The following PLA2R1 variants were observed in gnomAD, a reference collection of about 807,000 sequenced individuals.
The protein encoded by PLA2R1 is secretory phospholipase A2 receptor.
In PLA2R1, 158 loss-of-function variants were observed where a neutral mutation model predicts 195.9. The ratio of observed to expected loss-of-function variants is 0.81; its 90% CI spans 0.71 to 0.92. The LOEUF is 0.92. Ranked by LOEUF, PLA2R1 falls within the 40% of genes least tolerant of loss-of-function variation. The pLI is 0.00. For synonymous variants in PLA2R1, 586 were observed against 598.2 expected, an observed-to-expected ratio of 0.98 and a Z score of 0.30; for missense variants, 1,626 against 1,764.6, an observed-to-expected ratio of 0.92 and a Z score of 1.41.
rs757413252 is a variant in PLA2R1, at chr2:159,943,803, CT to C, written c.4144+1102del. On this transcript the variant is annotated intron_variant, in intron 28 of 29. Transcript: ENST00000283243. ...ATTTATCAGGCTTAGCCATGTTTTT[CT>C]TTTTTTTTTTTTTTCTCTCACACAG... Among the ~76,000 whole-genome samples the C allele has an allele frequency of 8.7e-3, 1,223 of 140,002 alleles. 8 individuals are homozygous for C. The highest frequency in any genetic ancestry group is 0.025 in the African/African-American group (952 of 38,416). The allele number at this position is 140,002 out of a possible 152,430, so 91.8% of individuals were successfully genotyped here.
At chr2:159,986,101 T>C (rs562516560) in intron 12 of PLA2R1, among the ~76,000 whole-genome samples, 4 of 152,134 alleles carry the variant, frequency 2.6e-5, no homozygotes, top group Non-Finnish European at 4.4e-5. Context: ...TGGCTCACCA[T>C]GGATCCTAGA....
intron 24 of PLA2R1, 36 bp from the exon 25 acceptor site, chr2:159,949,812 C>T (rs373575167): frequency 2.5e-6 from 4 of 1,573,644 alleles, no homozygotes; most frequent in South Asian, 2.2e-5. Flanking sequence ...TTCCTTGCCA[C>T]GACGGCTGGC....
chr2:160,057,321 C>T (rs1695614762), intron 1 of PLA2R1, among the ~76,000 whole-genome samples: 1 of 152,080 alleles, frequency 6.6e-6, no homozygotes, highest in Non-Finnish European at 1.5e-5. Context: ...GCCTGGCTGC[C>T]CTGAAGAACC....
In PLA2R1 at chr2:160,016,664, A is replaced by T; in HGVS notation, c.1501T>A (p.Cys501Ser). The change falls in exon 9 of 30, where the codon TGT (cysteine) becomes AGT (serine). Residue 501 changes from cysteine to serine, a missense_variant. Coordinates refer to ENST00000283243, the MANE Select transcript of PLA2R1 (RefSeq NM_007366.5). ...KNCEERLFYI[C>S]KKAGHVLSDA... ...GAGAGGACATGGCCTGCTTTTTTACAAATGTAAAAAAGTCTTTCTTCACAA... is the reference window on the plus strand; with the variant it reads ...GAGAGGACATGGCCTGCTTTTTTACTAATGTAAAAAAGTCTTTCTTCACAA... 1 of 1,610,266 alleles carries T rather than the reference A, an allele frequency of 6.2e-7. No individual in the cohort carries two copies. Among genetic ancestry groups the T allele is most frequent in the Non-Finnish European group, 8.5e-7 (1 of 1,176,480 alleles).
chr2:159,946,552 T>C, intron 27 of PLA2R1: 1 of 1,147,090 alleles, frequency 8.7e-7, no homozygotes, highest in Non-Finnish European at 1.1e-6. Flanking sequence ...CCAAGCATCT[T>C]CCTGCTAAGG....
At chr2:159,974,147 C>G (rs905532639) in intron 17 of PLA2R1, among the ~76,000 whole-genome samples, 1 of 152,160 alleles carries the variant, frequency 6.6e-6, no homozygotes, top group Non-Finnish European at 1.5e-5. Flanking sequence ...ACGAAGCTGG[C>G]AGCCATGTTT....
chr2:160,018,204 C>T (rs1406242964), intron 8 of PLA2R1, among the ~76,000 whole-genome samples: 1 of 151,838 alleles, frequency 6.6e-6, no homozygotes, highest in East Asian at 1.9e-4. Flanking sequence ...TACCTATCAT[C>T]AATCTCTTAA....
chr2:160,024,469 T>C (rs1248067608), intron 6 of PLA2R1, among the ~76,000 whole-genome samples: 1 of 152,178 alleles, frequency 6.6e-6, no homozygotes. Flanking sequence ...GTGTGTGTGC[T>C]GAAGTGGCAC....
chr2:160,049,885 CACTT>C (rs1384678367), intron 1 of PLA2R1, among the ~76,000 whole-genome samples: 1 of 152,010 alleles, frequency 6.6e-6, no homozygotes, highest in African/African-American at 2.4e-5. Flanking sequence ...CAAGTGATAA[CACTT>C]ACAAGTGGGA....
At chr2:159,956,281 G>C (rs142729822) in intron 21 of PLA2R1, among the ~76,000 whole-genome samples, 3 of 152,240 alleles carry the variant, frequency 2.0e-5, no homozygotes, top group African/African-American at 7.2e-5. Flanking sequence ...CACTGCTACT[G>C]GTGAGAGACA....
chr2:159,941,746 C>T lies in PLA2R1; in HGVS notation c.*32G>A, dbSNP rs780565639. The stretch of plus-strand genomic sequence containing the variant: ...CTCCTGTTTAGTCTTCTTTACTTAC[C>T]CTGGTGTCTGTGGCATTCTCTGACC... On this transcript the variant is annotated 3_prime_UTR_variant, in exon 30 of 30. Transcript: ENST00000283243. The T allele has an allele frequency of 1.7e-6, 2 of 1,191,644 alleles. No homozygotes were observed. Among genetic ancestry groups the T allele is most frequent in the South Asian group, 2.5e-5 (2 of 80,134 alleles). The allele number at this position is 1,191,644 out of a possible 1,614,324, so 73.8% of individuals were successfully genotyped here.
rs145983336 is a variant in PLA2R1, at chr2:159,941,337, T to C, written c.*441A>G. 0.028 allele frequency: 4,287 copies of C among 152,802 alleles called. 114 individuals are homozygous for C. Among genetic ancestry groups the C allele is most frequent in the Non-Finnish European group, 0.042 (2,889 of 68,430 alleles). 9.5% of individuals were successfully genotyped at this position (152,802 alleles called of 1,614,324 possible). A position where few individuals can be genotyped will look rare whatever the true frequency, so the allele number is the denominator to read the frequency against. ...CCTCTCAGAAGCCCTTTCCTTTTCC[T>C]CTCATATACAAGATTAATTTTTTTT... On this transcript the variant is annotated 3_prime_UTR_variant, in exon 30 of 30. Transcript: ENST00000283243.
In PLA2R1 at chr2:160,028,211, C is replaced by G. The variant is rs142160646; in HGVS notation, c.1099+7G>C. ...ACCTAAGAACAACTTAAAATAAAAA[C>G]GCTTACCAACTATTTCATGATCAAT... On this transcript the variant is annotated splice_region_variant and intron_variant, in intron 6 of 29. Transcript: ENST00000283243. The G allele has an allele frequency of 2.6e-6, 4 of 1,565,258 alleles. No homozygotes were observed. In the African/African-American group the frequency reaches 5.5e-5, roughly 22 times the overall value.
chr2:160,044,616 T>C (rs1694746632), intron 2 of PLA2R1, among the ~76,000 whole-genome samples, 158 bp downstream of exon 2: 1 of 152,174 alleles, frequency 6.6e-6, no homozygotes, highest in Admixed American at 6.5e-5. Flanking sequence ...CATAACCCTT[T>C]TACCATAAGC....
At chr2:159,968,117 A>G (rs1185898546) in intron 19 of PLA2R1, among the ~76,000 whole-genome samples, 1 of 152,182 alleles carries the variant, frequency 6.6e-6, no homozygotes, top group East Asian at 1.9e-4. Flanking sequence ...AAATTAACTC[A>G]AGAACTTCCA....
chr2:160,033,358 A>G (rs2292390), intron 3 of PLA2R1, among the ~76,000 whole-genome samples: 24,864 of 152,186 alleles, frequency 0.16, 2,325 homozygotes, highest in African/African-American at 0.23. Flanking sequence ...GAAATCACCA[A>G]TGAAGAAGCT....
chr2:160,042,048 T>C lies in PLA2R1; in HGVS notation c.644A>G (p.Lys215Arg), dbSNP rs752324342. ...ACTGGGATCAGGGCAAAATCCCCAC[T>C]TTTCATCTCTTTCATAACGGCTTGT... ...ATTSRYERDE[K>R]WGFCPDPTSA... is the part of the protein sequence containing the mutation. The change falls in exon 3 of 30, where the codon AAG (lysine) becomes AGG (arginine). Residue 215 changes from lysine to arginine, a missense_variant. Transcript: ENST00000283243. 6.2e-7 allele frequency: 1 copy of C among 1,614,002 alleles called. No individual in the cohort carries two copies. The highest frequency in any genetic ancestry group is 8.5e-7 in the Non-Finnish European group (1 of 1,179,856).
chr2:159,986,985 A>C (rs1690389931), intron 12 of PLA2R1, among the ~76,000 whole-genome samples, 171 bp downstream of exon 12: 1 of 152,080 alleles, frequency 6.6e-6, no homozygotes, highest in African/African-American at 2.4e-5. Flanking sequence ...AATTATTTGG[A>C]ATATGATTGA....
intron 9 of PLA2R1, 57 bp downstream of exon 9, chr2:160,016,557 A>G (rs1692779518): frequency 2.5e-6 from 2 of 808,346 alleles, no homozygotes; most frequent in East Asian, 2.6e-5. Flanking sequence ...TGATGGTGGA[A>G]TTGATATTCT....
Sources: allele counts gnomAD v4.1 joint callset (sites outside exome capture counted in the v4.1 genomes callset), GRCh38; gene constraint gnomAD v4.1.1; transcripts MANE v1.5; gene names NCBI Gene and HGNC (gene_info 2026-07-23, HGNC 2026-07-21).